CDKAL1: variants seen among roughly 807,000 people sequenced by gnomAD.
CDKAL1 encodes the protein threonylcarbamoyladenosine tRNA methylthiotransferase.
A neutral mutation model predicts 68.2 loss-of-function variants in CDKAL1; 32 were observed. The observed-to-expected ratio is 0.47, with a 90% confidence interval of 0.35 to 0.63. The LOEUF (loss-of-function observed/expected upper bound fraction) is 0.63. CDKAL1 is among the 30% of genes least tolerant of loss of function. CDKAL1 has a pLI of 0.00. For missense variants in CDKAL1, 606 were observed against 696.7 expected (o/e 0.87, Z 1.47); for synonymous variants, 234 against 244.3 (o/e 0.96, Z 0.39).
chr6:20,855,168 G>C (rs1239914070), intron 9 of CDKAL1, among the ~76,000 whole-genome samples: 1 of 151,834 alleles, frequency 6.6e-6, no homozygotes, highest in African/African-American at 2.4e-5. Flanking sequence ...CATGCTGGGC[G>C]CAGTGGCTCA....
At chr6:20,704,170 A>G (rs1316324114) in intron 5 of CDKAL1, among the ~76,000 whole-genome samples, 1 of 152,200 alleles carries the variant, frequency 6.6e-6, no homozygotes, top group East Asian at 1.9e-4. Flanking sequence ...CCTTGACTCA[A>G]TTTTTTTATC....
chr6:20,939,023 A>C (rs1036429590), intron 9 of CDKAL1, among the ~76,000 whole-genome samples: 5 of 151,816 alleles, frequency 3.3e-5, no homozygotes, highest in African/African-American at 9.7e-5. Context: ...CTGTCTTCTT[A>C]TTAATTTCTT....
intron 9 of CDKAL1, among the ~76,000 whole-genome samples, chr6:20,945,336 A>C (rs1337748991): frequency 1.3e-5 from 2 of 152,224 alleles, no homozygotes; most frequent in African/African-American, 4.8e-5. Flanking sequence ...CATATGATGC[A>C]AATTTTCCAT....
chr6:20,922,150 A>G (rs1341756441), intron 9 of CDKAL1, among the ~76,000 whole-genome samples: 3 of 152,218 alleles, frequency 2.0e-5, no homozygotes, highest in Non-Finnish European at 4.4e-5. Context: ...TCTCAAACTT[A>G]TTTGAACCCC....
chr6:20,935,331 G>A (rs1409099531), intron 9 of CDKAL1, among the ~76,000 whole-genome samples: 1 of 152,086 alleles, frequency 6.6e-6, no homozygotes, highest in East Asian at 1.9e-4. Flanking sequence ...TACTAAGGCT[G>A]AATTGTAATA....
chr6:20,569,777 A>C (rs561337623), intron 4 of CDKAL1, among the ~76,000 whole-genome samples: 1 of 152,166 alleles, frequency 6.6e-6, no homozygotes, highest in Non-Finnish European at 1.5e-5. Flanking sequence ...GAATCAGTAG[A>C]ATTTTTTTCC....
intron 9 of CDKAL1, among the ~76,000 whole-genome samples, chr6:20,893,013 C>T (rs1286328074): frequency 6.6e-6 from 1 of 152,144 alleles, no homozygotes; most frequent in Non-Finnish European, 1.5e-5. Flanking sequence ...GAGACATTGG[C>T]TTCTTTTGTC....
At chr6:20,875,626 G>T (rs1204448730) in intron 9 of CDKAL1, among the ~76,000 whole-genome samples, 1 of 151,918 alleles carries the variant, frequency 6.6e-6, no homozygotes, top group African/African-American at 2.4e-5. Flanking sequence ...TGTTCCCTTG[G>T]CTTTTAAAAA....
chr6:20,535,068 A>T (rs923492435), intron 1 of CDKAL1: 18 of 152,112 alleles, frequency 1.2e-4, no homozygotes, highest in African/African-American at 3.4e-4. Flanking sequence ...TACCTTATTG[A>T]CTTAATCCTG....
At chr6:20,597,318 C>T (rs1353015100) in intron 4 of CDKAL1, among the ~76,000 whole-genome samples, 3 of 151,712 alleles carry the variant, frequency 2.0e-5, no homozygotes, top group South Asian at 2.1e-4. Flanking sequence ...TTGGTAGAGA[C>T]GGGGTTTCAC....
intron 13 of CDKAL1, among the ~76,000 whole-genome samples, chr6:21,195,314 C>G (rs140216564): frequency 6.1e-4 from 93 of 152,116 alleles, no homozygotes; most frequent in African/African-American, 2.1e-3. Flanking sequence ...AGGCACATGT[C>G]ACCATGCCTG....
chr6:20,843,618 G>T (rs578076337), intron 8 of CDKAL1, among the ~76,000 whole-genome samples: 1 of 152,240 alleles, frequency 6.6e-6, no homozygotes, highest in East Asian at 1.9e-4. Flanking sequence ...TTTTGTGCAT[G>T]AAGCAAAATT....
chr6:20,832,631 G>C (rs570653396), intron 8 of CDKAL1, among the ~76,000 whole-genome samples: 2 of 152,222 alleles, frequency 1.3e-5, no homozygotes, highest in African/African-American at 4.8e-5. Flanking sequence ...ATTCCAGCCT[G>C]GGTGACAGAC....
At chr6:20,782,930 ATT>A (rs910094685) in intron 8 of CDKAL1, among the ~76,000 whole-genome samples, 5 of 151,318 alleles carry the variant, frequency 3.3e-5, no homozygotes, top group African/African-American at 1.2e-4. Context: ...AAAAATGCAG[ATT>A]TTTTTTTCTT....
At chr6:20,919,526 C>T (rs1353863703) in intron 9 of CDKAL1, among the ~76,000 whole-genome samples, 1 of 152,116 alleles carries the variant, frequency 6.6e-6, no homozygotes, top group African/African-American at 2.4e-5. Flanking sequence ...TGCTATCCCT[C>T]CCCTAGCCCC....
chr6:20,686,584 T>G (rs1770636800), intron 5 of CDKAL1, among the ~76,000 whole-genome samples: 1 of 152,194 alleles, frequency 6.6e-6, no homozygotes, highest in South Asian at 2.1e-4. Context: ...TATATTACAA[T>G]GTAATAATAG....
intron 15 of CDKAL1, among the ~76,000 whole-genome samples, chr6:21,208,390 T>G (rs1779022377): frequency 6.6e-6 from 1 of 152,142 alleles, no homozygotes; most frequent in Admixed American, 6.5e-5. Flanking sequence ...CCAGAACCAG[T>G]GAAGTGAAAG....
At chr6:20,730,457 GGAAA>G in intron 5 of CDKAL1, among the ~76,000 whole-genome samples, 1 of 142,632 alleles carries the variant, frequency 7.0e-6, no homozygotes, top group East Asian at 2.0e-4. Context: ...AAGAAAGAAA[GGAAA>G]GAAAAGAAAG....
chr6:20,645,790 T>G (rs1768425220), intron 4 of CDKAL1, among the ~76,000 whole-genome samples: 2 of 150,786 alleles, frequency 1.3e-5, no homozygotes, highest in South Asian at 4.2e-4. Flanking sequence ...TTTATTTATT[T>G]TATTTTTAAA....
Sources: allele counts gnomAD v4.1 joint callset (sites outside exome capture counted in the v4.1 genomes callset), GRCh38; gene constraint gnomAD v4.1.1; transcripts MANE v1.5; gene names NCBI Gene and HGNC (gene_info 2026-07-23, HGNC 2026-07-21).